NBPF12: variants seen among roughly 807,000 people sequenced by gnomAD.
NBPF12 encodes NBPF family member NBPF12.
In NBPF12, 115 loss-of-function variants were observed where a neutral mutation model predicts 146.4. The observed-to-expected ratio is 0.79, with a 90% CI of 0.68 to 0.92. NBPF12 has a LOEUF of 0.92. Among genes scored for constraint, NBPF12 ranks in the 40% least tolerant of loss-of-function variants. The probability of loss-of-function intolerance (pLI) is 0.00; values close to 1 mark genes in which losing one functional copy is unlikely to be tolerated. For missense variants in NBPF12, 1,205 were observed against 1,326.8 expected (o/e 0.91, Z 1.43); for synonymous variants, 385 against 508.9 (o/e 0.76, Z 3.28).
intron 1 of NBPF12, among the ~76,000 whole-genome samples, chr1:146,942,286 G>C (rs1365432129): frequency 3.3e-5 from 5 of 150,900 alleles, no homozygotes; most frequent in African/African-American, 1.2e-4. Context: ...ATCACATCTG[G>C]CCATTTTAGT....
chr1:146,964,724 G>A (rs1656081116), intron 7 of NBPF12, among the ~76,000 whole-genome samples, 169 bp from the exon 11 acceptor site: 1 of 152,014 alleles, frequency 6.6e-6, no homozygotes, highest in Non-Finnish European at 1.5e-5. Flanking sequence ...TGGCAGCCAT[G>A]CTCTGTTGCA....
At chr1:146,942,612 A>G (rs1274464416) in intron 1 of NBPF12, among the ~76,000 whole-genome samples, 4 of 148,902 alleles carry the variant, frequency 2.7e-5, no homozygotes, top group East Asian at 2.0e-4. Context: ...AATAGCTTGT[A>G]TAGAGCAGAA....
chr1:146,987,733 TTGTGTGTG>T (rs782154969), intron 25 of NBPF12, among the ~76,000 whole-genome samples: 3 of 146,130 alleles, frequency 2.1e-5, no homozygotes, highest in African/African-American at 7.7e-5. Context: ...GTGTGTGTGT[TTGTGTGTG>T]TGTGTGTGTG....
chr1:146,962,518 C>T (rs1358757562), intron 5 of NBPF12, among the ~76,000 whole-genome samples: 1 of 151,784 alleles, frequency 6.6e-6, no homozygotes, highest in Non-Finnish European at 1.5e-5. Flanking sequence ...ACACAAAATT[C>T]ACCAAAGGAG....
At chr1:146,971,814 T>C (rs1656638295) in intron 13 of NBPF12, among the ~76,000 whole-genome samples, 1 of 150,460 alleles carries the variant, frequency 6.6e-6, no homozygotes, top group Admixed American at 6.6e-5. Context: ...GCGCGGTGGC[T>C]CACACATGTA....
chr1:146,980,365 T>A (rs1311195227), intron 19 of NBPF12, among the ~76,000 whole-genome samples: 4 of 152,166 alleles, frequency 2.6e-5, no homozygotes, highest in Non-Finnish European at 4.4e-5. Context: ...TTATGATGTT[T>A]GCTGGTTATT....
chr1:146,948,320 AAAAG>A (rs1481282494), upstream of NBPF12, among the ~76,000 whole-genome samples: 2 of 151,830 alleles, frequency 1.3e-5, no homozygotes, highest in Admixed American at 1.3e-4. Context: ...AACTGTGGGG[AAAAG>A]AAAGAGAGAT....
intron 10 of NBPF12, among the ~76,000 whole-genome samples, chr1:146,969,120 A>T (rs1190811868): frequency 6.6e-6 from 1 of 151,290 alleles, no homozygotes; most frequent in Admixed American, 6.6e-5. Context: ...AAACGGAATT[A>T]GGAAGACACC....
chr1:146,989,219 A>G (rs1268690931), intron 27 of NBPF12, among the ~76,000 whole-genome samples: 1 of 135,280 alleles, frequency 7.4e-6, no homozygotes, highest in African/African-American at 2.7e-5. Flanking sequence ...ATGGAAAACT[A>G]TTGAGCTCAC....
intron 31 of NBPF12, 24 bp from the exon 35 acceptor site, chr1:146,992,688 C>A (rs1337648043): frequency 1.4e-6 from 1 of 720,734 alleles, no homozygotes; most frequent in Non-Finnish European, 2.6e-6. Context: ...CTGGCTTATT[C>A]TTTACTTTTT....
At chr1:146,961,814 C>T (rs1474859515) in intron 4 of NBPF12, among the ~76,000 whole-genome samples, 1 of 151,872 alleles carries the variant, frequency 6.6e-6, no homozygotes, top group African/African-American at 2.4e-5. Context: ...ACTTCATGCC[C>T]CAGTGCAGTG....
intron 6 of NBPF12, 24 bp from the exon 10 acceptor site, chr1:146,964,333 T>G: frequency 3.3e-6 from 5 of 1,528,426 alleles, no homozygotes; most frequent in Non-Finnish European, 4.5e-6. Context: ...GGGACATATC[T>G]GAATGAACAT....
intron 13 of NBPF12, among the ~76,000 whole-genome samples, chr1:146,972,182 G>C (rs1218185347): frequency 5.3e-5 from 8 of 150,844 alleles, no homozygotes; most frequent in Admixed American, 1.3e-4. Context: ...AACACCTGAG[G>C]TCAGGAGTTC....
intron 8 of NBPF12, 128 bp from the exon 12 acceptor site, chr1:146,966,336 G>A (rs1441155594): frequency 6.8e-6 from 6 of 876,844 alleles, no homozygotes; most frequent in Admixed American, 3.5e-5. Context: ...GATGACAAGA[G>A]TGAAACCAGG....
chr1:146,971,300 A>G, exon 13 of NBPF12: 2 of 1,612,202 alleles, frequency 1.2e-6, no homozygotes, highest in East Asian at 4.5e-5. Context: ...AGAACATCAA[A>G]ATCACATTTG....
chr1:146,954,900 CG>C (rs1655501785), intron 2 of NBPF12, among the ~76,000 whole-genome samples: 2 of 111,014 alleles, frequency 1.8e-5, no homozygotes, highest in African/African-American at 3.2e-5. Context: ...CACACACAAA[CG>C]TGTGTGTGTG....
chr1:146,949,171 TTCA>T (rs1655216399), upstream of NBPF12: 1 of 147,230 alleles, frequency 6.8e-6, no homozygotes, highest in Admixed American at 6.7e-5. Flanking sequence ...TCCGTATGCG[TTCA>T]GCATACGGTC....
chr1:146,971,092 A>T, intron 12 of NBPF12, 91 bp from the exon 16 acceptor site: 1 of 1,595,060 alleles, frequency 6.3e-7, no homozygotes, highest in Non-Finnish European at 8.6e-7. Context: ...CCACTCTCTT[A>T]ATGCCGCTTG....
At chr1:146,965,454 G>T (rs1264412801) in intron 8 of NBPF12, among the ~76,000 whole-genome samples, 3 of 145,298 alleles carry the variant, frequency 2.1e-5, no homozygotes, top group Non-Finnish European at 3.0e-5. Context: ...CTTCTGTCAG[G>T]CTAGACTCTC....
Sources: gnomAD v4.1 joint callset for allele counts (sites outside exome capture counted in the v4.1 genomes callset) on GRCh38, gnomAD v4.1.1 for gene constraint, MANE v1.5 for transcripts, NCBI Gene and HGNC (gene_info 2026-07-23, HGNC 2026-07-21) for gene names.